Variants in EDNRB observed in about 807,000 individuals in gnomAD.
The protein encoded by EDNRB is Hirschsprung disease 2.
A neutral mutation model predicts 46.4 loss-of-function variants in EDNRB; 18 were observed. The observed-to-expected ratio is 0.39, with a 90% CI of 0.27 to 0.57. The LOEUF (loss-of-function observed/expected upper bound fraction) is 0.57. EDNRB is among the 20% of genes least tolerant of loss of function. The probability of loss-of-function intolerance (pLI) is 0.61; values close to 1 mark genes in which losing one functional copy is unlikely to be tolerated. For missense variants in EDNRB, 434 were observed against 537.5 expected, an observed-to-expected ratio of 0.81 and a Z score of 1.90; for synonymous variants, 213 against 204.9, an observed-to-expected ratio of 1.04 and a Z score of -0.34.
intron 1 of EDNRB, among the ~76,000 whole-genome samples, chr13:77,974,839 C>T (rs908640205): frequency 6.6e-6 from 1 of 152,144 alleles, no homozygotes; most frequent in African/African-American, 2.4e-5. Context: ...GTCTATTTTA[C>T]ATAAAGTTCT....
chr13:77,943,082 G>C (rs1433932223), intron 1 of EDNRB, among the ~76,000 whole-genome samples: 1 of 152,042 alleles, frequency 6.6e-6, no homozygotes, highest in Non-Finnish European at 1.5e-5. Context: ...CCATATTGTA[G>C]TCATTACATT....
In EDNRB at chr13:77,937,269, G is replaced by T. The variant is rs118032741; in HGVS notation, c.-51-18645C>A. 2.4e-4 allele frequency among the ~76,000 whole-genome samples: 36 copies of T among 152,324 alleles called. No individual in the cohort carries two copies. The East Asian group carries it at 5.8e-3, about 25-fold the overall frequency. On this transcript the variant is annotated intron_variant, in intron 1 of 7. Transcript: ENST00000646948. ...GCAGGAAATCATGTAATCTTGTCTA[G>T]CTATACCTGGGGAATTTGCCTGATA...
At chr13:77,926,990 A>T (rs1039930959) in intron 1 of EDNRB, among the ~76,000 whole-genome samples, 5 of 152,242 alleles carry the variant, frequency 3.3e-5, no homozygotes, top group African/African-American at 1.2e-4. Flanking sequence ...CCATGAGAAC[A>T]GTATGGGGGA....
upstream of EDNRB, among the ~76,000 whole-genome samples, chr13:77,920,128 C>T (rs969660554): frequency 8.5e-5 from 13 of 152,122 alleles, no homozygotes; most frequent in Non-Finnish European, 1.9e-4. Context: ...TCTCTTCCTG[C>T]CACAGTATCG....
At chr13:77,942,151 G>C (rs1880768652) in intron 1 of EDNRB, among the ~76,000 whole-genome samples, 1 of 151,832 alleles carries the variant, frequency 6.6e-6, no homozygotes, top group Non-Finnish European at 1.5e-5. Context: ...TTGCACTTGA[G>C]CACAATCCCT....
At chr13:77,934,594 T>A (rs2137657421) in intron 1 of EDNRB, among the ~76,000 whole-genome samples, 1 of 151,610 alleles carries the variant, frequency 6.6e-6, no homozygotes, top group East Asian at 2.0e-4. Flanking sequence ...TAAGAGGTAT[T>A]TTAGTTATCT....
rs1446566509 is a variant in EDNRB at position 77,903,372 on chromosome 13, A to G, written c.597-12T>C. On this transcript the variant is annotated splice_polypyrimidine_tract_variant and intron_variant, in intron 2 of 6. Coordinates refer to ENST00000646607, the MANE Select transcript of EDNRB (RefSeq NM_001122659.3). ...CAACAGCTCGATATCTGAAGATAAA[A>G]ATAGAATTGTATTTTAAGCTGGCAT... 3.7e-6 allele frequency: 6 copies of G among 1,612,782 alleles called. No individual in the cohort carries two copies. In the African/African-American group the frequency reaches 8.0e-5, roughly 22 times the overall value.
chr13:77,919,329 G>A (rs1879990635), upstream of EDNRB: 5 of 1,515,438 alleles, frequency 3.3e-6, no homozygotes, highest in Admixed American at 1.8e-5. Flanking sequence ...AAACTAGTAA[G>A]CCAAACCGAA....
At chr13:77,908,990 TAA>T (rs1289482664) in intron 1 of EDNRB, among the ~76,000 whole-genome samples, 3 of 152,020 alleles carry the variant, frequency 2.0e-5, no homozygotes, top group Admixed American at 6.6e-5. Context: ...TTGTTAGTGT[TAA>T]GTCCTGCTGG....
chr13:77,921,615 AT>A (rs1187576778), upstream of EDNRB, among the ~76,000 whole-genome samples: 7 of 152,170 alleles, frequency 4.6e-5, no homozygotes, highest in African/African-American at 1.7e-4. Flanking sequence ...GCCTAAGCAA[AT>A]TTTTTTCTTA....
intron 1 of EDNRB, among the ~76,000 whole-genome samples, chr13:77,960,523 A>G (rs1160513033): frequency 6.6e-6 from 1 of 152,204 alleles, no homozygotes; most frequent in Non-Finnish European, 1.5e-5. Flanking sequence ...GCCCTACAAG[A>G]GTTCCTGAAG....
At chr13:77,934,687 G>GA (rs1393655862) in intron 1 of EDNRB, among the ~76,000 whole-genome samples, 1 of 150,474 alleles carries the variant, frequency 6.6e-6, no homozygotes, top group Non-Finnish European at 1.5e-5. Flanking sequence ...AAAGGGGGGG[G>GA]GGGGCCTGAA....
rs1878711763 is a variant in EDNRB at position 77,897,798 on chromosome 13, C to G, written c.*402G>C. 2.0e-6 allele frequency: 2 copies of G among 990,294 alleles called. No individual in the cohort carries two copies. The highest frequency in any genetic ancestry group is 2.4e-6 in the Non-Finnish European group (2 of 831,994). 61.3% of individuals were successfully genotyped at this position (990,294 alleles called of 1,614,324 possible). ...GTAATTTAAGCTTCATTTAAAAGTTCTGTTTTACAGTGACTTATTCTTCCT... is the reference window on the plus strand; with the variant it reads ...GTAATTTAAGCTTCATTTAAAAGTTGTGTTTTACAGTGACTTATTCTTCCT... On this transcript the variant is annotated 3_prime_UTR_variant, in exon 7 of 7. Coordinates refer to ENST00000646607, the MANE Select transcript of EDNRB (RefSeq NM_001122659.3).
At chr13:77,943,224 C>G (rs1053659898) in intron 1 of EDNRB, among the ~76,000 whole-genome samples, 1 of 152,066 alleles carries the variant, frequency 6.6e-6, no homozygotes, top group Admixed American at 6.6e-5. Flanking sequence ...TAAATTATCT[C>G]TGGTACACAG....
rs141543442 is a variant in EDNRB at position 77,934,460 on chromosome 13, T to C, written c.-51-15836A>G. On this transcript the variant is annotated intron_variant, in intron 1 of 7. Coordinates refer to the EDNRB transcript ENST00000646948. ...AATAAAAGCCGGTCTGCTATTAGACTGTATAGAGGTGGGAAGGCCAAACTG... is the reference window on the plus strand; with the variant it reads ...AATAAAAGCCGGTCTGCTATTAGACCGTATAGAGGTGGGAAGGCCAAACTG... Among the ~76,000 whole-genome samples, 766 of 152,196 alleles carry C rather than the reference T, an allele frequency of 5.0e-3. 6 individuals carry two copies. The highest frequency in any genetic ancestry group is 0.017 in the African/African-American group (723 of 41,506).
chr13:77,943,469 A>G (rs1250446921), intron 1 of EDNRB, among the ~76,000 whole-genome samples: 1 of 152,116 alleles, frequency 6.6e-6, no homozygotes, highest in African/African-American at 2.4e-5. Context: ...ATGTAGCCTT[A>G]CAAACTGAAG....
intron 1 of EDNRB, among the ~76,000 whole-genome samples, chr13:77,965,893 T>C (rs984960606): frequency 7.2e-5 from 11 of 152,170 alleles, no homozygotes; most frequent in African/African-American, 2.7e-4. Context: ...TTTTGTTGTT[T>C]AGAGACAGAG....
At chr13:77,954,442 G>A (rs1017355217) in intron 1 of EDNRB, among the ~76,000 whole-genome samples, 1 of 151,816 alleles carries the variant, frequency 6.6e-6, no homozygotes, top group Admixed American at 6.6e-5. Flanking sequence ...ATTCATCCAA[G>A]TTGTCACAAA....
intron 1 of EDNRB, among the ~76,000 whole-genome samples, chr13:77,940,243 T>C (rs1356587046): frequency 1.3e-5 from 2 of 151,942 alleles, no homozygotes; most frequent in East Asian, 1.9e-4. Flanking sequence ...AAGAGATTCA[T>C]TGGAGGTGTG....
Sources: gnomAD v4.1 joint callset for allele counts (sites outside exome capture counted in the v4.1 genomes callset) on GRCh38, gnomAD v4.1.1 for gene constraint, MANE v1.5 for transcripts, NCBI Gene and HGNC (gene_info 2026-07-23, HGNC 2026-07-21) for gene names.